PID1: variants seen among roughly 807,000 people sequenced by gnomAD.
The protein encoded by PID1 is phosphotyrosine interaction domain containing 1.
In PID1, 10 loss-of-function variants were observed where a neutral mutation model predicts 19.1. The ratio of observed to expected loss-of-function variants is 0.52; its 90% CI spans 0.32 to 0.89. PID1 has a LOEUF of 0.89. Among genes scored for constraint, PID1 ranks in the 40% least tolerant of loss-of-function variants. The pLI is 0.03. For missense variants in PID1, 248 were observed against 285.3 expected (o/e 0.87, Z 0.94); for synonymous variants, 130 against 116.0 (o/e 1.12, Z -0.78).
chr2:229,135,544 T>C (rs1428484570), intron 2 of PID1, among the ~76,000 whole-genome samples: 1 of 152,202 alleles, frequency 6.6e-6, no homozygotes, highest in Non-Finnish European at 1.5e-5. Context: ...GATAGACTAT[T>C]GTATGAAAAC....
At chr2:229,093,805 C>A (rs1186262479) in intron 2 of PID1, among the ~76,000 whole-genome samples, 1 of 151,790 alleles carries the variant, frequency 6.6e-6, no homozygotes, top group Admixed American at 6.6e-5. Context: ...AAGAGCATAC[C>A]TCGAAATAAT....
At chr2:229,262,924 G>GGA in intron 1 of PID1, 1 of 1,455,288 alleles carries the variant, frequency 6.9e-7, no homozygotes, top group Non-Finnish European at 9.1e-7. Flanking sequence ...TGGCTCTAGG[G>GGA]TTCACCCTAA....
chr2:229,138,983 GAAA>G, intron 2 of PID1, among the ~76,000 whole-genome samples: 1 of 39,326 alleles, frequency 2.5e-5, no homozygotes, highest in African/African-American at 1.1e-4. Flanking sequence ...AAAAATAGAA[GAAA>G]GAAAGAAAGA....
chr2:229,033,541 G>T (rs559046395), intron 2 of PID1, among the ~76,000 whole-genome samples: 1 of 152,140 alleles, frequency 6.6e-6, no homozygotes, highest in East Asian at 1.9e-4. Flanking sequence ...AGGGTGGGGG[G>T]CTAGGGGAGG....
chr2:229,215,198 A>C (rs1691819396), intron 1 of PID1, among the ~76,000 whole-genome samples: 1 of 152,216 alleles, frequency 6.6e-6, no homozygotes, highest in African/African-American at 2.4e-5. Context: ...AGTGGTGGGC[A>C]GGGGAACTCT....
chr2:229,252,214 C>CA (rs1420123515), intron 1 of PID1, among the ~76,000 whole-genome samples: 19 of 152,070 alleles, frequency 1.2e-4, no homozygotes, highest in Admixed American at 1.2e-3. Context: ...GAACTTCACT[C>CA]CCATTAATTA....
rs1184856346 is a variant in PID1 at position 229,199,721 on chromosome 2, TA to T, written c.31-43758del. On this transcript the variant is annotated intron_variant, in intron 1 of 2. Transcript: ENST00000392055. ...CAAGACAAATGGGAAATATCTAATT[TA>T]TATATATATATATATATATATATAC... 5.4e-3 allele frequency among the ~76,000 whole-genome samples: 227 copies of T among 42,034 alleles called. 1 individual carries two copies. The highest frequency in any genetic ancestry group is 0.02 in the African/African-American group (219 of 11,058). 27.6% of individuals were successfully genotyped at this position (42,034 alleles called of 152,430 possible).
chr2:229,057,606 AAT>A (rs1553557120), intron 2 of PID1, among the ~76,000 whole-genome samples: 12 of 147,630 alleles, frequency 8.1e-5, no homozygotes, highest in Admixed American at 3.4e-4. Context: ...ATTATGAAAA[AAT>A]AATAATTTAG....
chr2:229,250,914 T>G (rs1690134693), intron 1 of PID1, among the ~76,000 whole-genome samples: 2 of 152,214 alleles, frequency 1.3e-5, no homozygotes, highest in Admixed American at 1.3e-4. Context: ...TATACCCACC[T>G]TAAAACTCAG....
At chr2:229,267,682 A>G (rs1690626975) in intron 1 of PID1, among the ~76,000 whole-genome samples, 1 of 152,152 alleles carries the variant, frequency 6.6e-6, no homozygotes, top group Non-Finnish European at 1.5e-5. Context: ...ACTTGTTCCT[A>G]TGGATGGGAC....
chr2:229,033,570 AT>A (rs1236623373), intron 2 of PID1, among the ~76,000 whole-genome samples: 1 of 152,112 alleles, frequency 6.6e-6, no homozygotes, highest in Non-Finnish European at 1.5e-5. Context: ...TAGGAGAAAT[AT>A]CTAATGTAGA....
chr2:229,163,680 T>TGCGCGCAC (rs1553570262), intron 1 of PID1, among the ~76,000 whole-genome samples: 1 of 103,714 alleles, frequency 9.6e-6, no homozygotes, highest in African/African-American at 2.8e-5. Context: ...TGTGTGCGTG[T>TGCGCGCAC]GCGTGTGTGT....
At chr2:229,182,008 A>C (rs1255461456) in intron 1 of PID1, among the ~76,000 whole-genome samples, 4 of 152,206 alleles carry the variant, frequency 2.6e-5, no homozygotes, top group Non-Finnish European at 5.9e-5. Flanking sequence ...AAAAAGCAAA[A>C]CTATGGAGAC....
intron 1 of PID1, among the ~76,000 whole-genome samples, chr2:229,160,973 C>T (rs1690481108): frequency 1.3e-5 from 2 of 152,182 alleles, no homozygotes; most frequent in South Asian, 4.1e-4. Context: ...CTTGGGGAAG[C>T]TTCTCCACTA....
At chr2:229,094,117 C>T (rs932192078) in intron 2 of PID1, among the ~76,000 whole-genome samples, 25 of 152,132 alleles carry the variant, frequency 1.6e-4, no homozygotes, top group Non-Finnish European at 2.6e-4. Context: ...AATCACTGCA[C>T]ACAAATCAGT....
intron 2 of PID1, among the ~76,000 whole-genome samples, chr2:229,106,000 A>C (rs1695169679): frequency 6.8e-6 from 1 of 147,666 alleles, no homozygotes; most frequent in Non-Finnish European, 1.5e-5. Flanking sequence ...AATAGAGTGA[A>C]CCCGGGAGGT....
At chr2:229,115,158 G>C (rs1193533197) in intron 2 of PID1, among the ~76,000 whole-genome samples, 1 of 152,116 alleles carries the variant, frequency 6.6e-6, no homozygotes, top group Non-Finnish European at 1.5e-5. Flanking sequence ...GTCAGGGTTA[G>C]GGTTAAGGTT....
At position 229,025,731 on chromosome 2, in the gene PID1, G is replaced by A. The variant is rs368368116; in HGVS notation, c.555C>T (p.Ala185=). The change falls in exon 3 of 3, where the codon GCC becomes GCT. Residue 185 remains alanine (A), a synonymous_variant. Coordinates refer to ENST00000392055, the MANE Select transcript of PID1 (RefSeq NM_001100818.2). ...TCATACTGTGGAAAGTCTTCCTGAA[G>A]GCCTCCATCATGGCGTGGGCCAGTT... The part of the protein sequence containing the change: ...AKKLAHAMME[A]FRKTFHSMKS... 2.4e-5 allele frequency: 38 copies of A among 1,614,134 alleles called. No individual in the cohort carries two copies. In the African/African-American group the frequency reaches 4.1e-4, roughly 18 times the overall value.
chr2:229,132,329 A>G (rs1432345204), intron 2 of PID1, among the ~76,000 whole-genome samples: 1 of 152,188 alleles, frequency 6.6e-6, no homozygotes, highest in African/African-American at 2.4e-5. Context: ...TACTTACAGG[A>G]TGGGCTATCA....
Sources: gnomAD v4.1 joint callset for allele counts (sites outside exome capture counted in the v4.1 genomes callset) on GRCh38, gnomAD v4.1.1 for gene constraint, MANE v1.5 for transcripts, NCBI Gene and HGNC (gene_info 2026-07-23, HGNC 2026-07-21) for gene names.